STK31: variants seen among roughly 807,000 people sequenced by gnomAD.
STK31 encodes the protein serine/threonine-protein kinase 31.
Under a neutral mutation model 129.7 loss-of-function variants are expected in STK31, and 89 were observed. The ratio of observed to expected loss-of-function variants is 0.69; its 90% CI spans 0.58 to 0.82. The LOEUF is 0.82. Ranked by LOEUF, STK31 falls within the 40% of genes least tolerant of loss-of-function variation. The probability of loss-of-function intolerance (pLI) is 0.00; values close to 1 mark genes in which losing one functional copy is unlikely to be tolerated. For missense variants in STK31, 1,187 were observed against 1,176.4 expected (o/e 1.01, Z -0.13); for synonymous variants, 448 against 395.3 (o/e 1.13, Z -1.58).
rs1786706394 is a variant in STK31, at chr7:23,721,645, G to A, written c.249+4066G>A. 4 of 844,866 alleles carry A rather than the reference G, an allele frequency of 4.7e-6. No homozygotes were observed. In the East Asian group the frequency reaches 7.3e-5, roughly 15 times the overall value. 52.3% of individuals were successfully genotyped at this position (844,866 alleles called of 1,614,324 possible). A position where few individuals can be genotyped will look rare whatever the true frequency, so the allele number is the denominator to read the frequency against. On this transcript the variant is annotated intron_variant, in intron 4 of 23. Coordinates refer to ENST00000355870, the MANE Select transcript of STK31 (RefSeq NM_031414.5). ...TGCGTCGAATGTAAATACAAGCCAA[G>A]CCCTGTGGATTCCTGACAGCACAGG...
Position 23,758,427 on chromosome 7 carries a change from A to AT in STK31, c.1293+3962dup, listed in dbSNP as rs535510973. ...TAAAAAACAGACCCTAGATTCATTG[A>AT]TTTTTTTTTGGAGTGTTTTTTTTGT... is the stretch of plus-strand genomic sequence containing the variant. On this transcript the variant is annotated intron_variant, in intron 10 of 23. Transcript: ENST00000355870. Among the ~76,000 whole-genome samples the AT allele has an allele frequency of 2.3e-3, 347 of 149,470 alleles. 1 individual carries two copies. The highest frequency in any genetic ancestry group is 7.7e-3 in the African/African-American group (314 of 40,682).
chr7:23,773,120 G>A (rs928128774), intron 15 of STK31, among the ~76,000 whole-genome samples: 1 of 152,032 alleles, frequency 6.6e-6, no homozygotes, highest in Non-Finnish European at 1.5e-5. Context: ...AGGTATACAC[G>A]TGCCATGGTG....
intron 23 of STK31, among the ~76,000 whole-genome samples, chr7:23,821,158 A>G (rs891146601): frequency 6.6e-6 from 1 of 152,190 alleles, no homozygotes; most frequent in Non-Finnish European, 1.5e-5. Context: ...TTTGATAACT[A>G]TCAAGTAGTG....
Position 23,737,857 on chromosome 7 carries a change from ATAAG to A in STK31, c.1017+781_1017+784del, listed in dbSNP as rs1198555291. Among the ~76,000 whole-genome samples, 220 of 115,320 alleles carry A rather than the reference ATAAG, an allele frequency of 1.9e-3. 1 individual carries two copies. The highest frequency in any genetic ancestry group is 6.2e-3 in the African/African-American group (203 of 32,524). 75.7% of individuals were successfully genotyped at this position (115,320 alleles called of 152,430 possible). A position where few individuals can be genotyped will look rare whatever the true frequency, so the allele number is the denominator to read the frequency against. ...CCCCCCCAGGGATACAGTGTGGTTG[ATAAG>A]TGTGTGTGTGTGTGTGTGTGTGTGT... On this transcript the variant is annotated intron_variant, in intron 8 of 23. Transcript: ENST00000355870.
At chr7:23,717,646 A>C (rs939217787) in intron 4 of STK31, 67 bp downstream of exon 4, 18 of 1,202,394 alleles carry the variant, frequency 1.5e-5, no homozygotes, top group Non-Finnish European at 1.8e-5. Flanking sequence ...TTAGATATTT[A>C]GTTTTTGGAG....
chr7:23,754,238 A>G (rs1488206258), intron 9 of STK31, 77 bp from the exon 10 acceptor site: 9 of 1,456,852 alleles, frequency 6.2e-6, no homozygotes, highest in African/African-American at 1.4e-5. Flanking sequence ...TTAGACCATT[A>G]CTATTAAAGT....
chr7:23,736,991 T>C lies in STK31; in HGVS notation c.930T>C (p.Asn310=). 6.2e-7 allele frequency: 1 copy of C among 1,613,536 alleles called. No homozygotes were observed. Among genetic ancestry groups the C allele is most frequent in the African/African-American group, 1.3e-5 (1 of 74,928 alleles). ...AGGACCAGAAACTGATTGAAGAAAA[T>C]GAAAAACTTAAAACAGAGAAGGACG... ...IKQDQKLIEE[N]EKLKTEKDAL... The change falls in exon 8 of 24, where the codon AAT becomes AAC. Residue 310 remains asparagine, a synonymous_variant. Transcript: ENST00000355870.
chr7:23,809,464 C>T (rs906498235), intron 22 of STK31, among the ~76,000 whole-genome samples: 1 of 152,120 alleles, frequency 6.6e-6, no homozygotes, highest in Non-Finnish European at 1.5e-5. Flanking sequence ...CAAATTTGAG[C>T]ACTTACAAAT....
Position 23,735,579 on chromosome 7 carries a change from A to G in STK31, c.525A>G (p.Ile175Met), listed in dbSNP as rs776043647. ...GGAGCTTGATTTTTGAAAAGGAAAT[A>G]AAAATGAGAATTAAAGCAACCTCTG... ...FLGSLIFEKE[I>M]KMRIKATSED... Residue 175 changes from isoleucine (I) to methionine (M), a missense_variant, in exon 7 of 24, where the codon ATA becomes ATG. Around this residue, in one of 5 missense-constraint regions of STK31, gnomAD observed 103 missense variants for 110.4 expected, o/e 0.93. Transcript: ENST00000355870. 4.4e-6 allele frequency: 7 copies of G among 1,606,326 alleles called. No individual in the cohort carries two copies. The South Asian group carries it at 7.8e-5, about 18-fold the overall frequency.
At chr7:23,716,655 A>G (rs1786341577) in intron 3 of STK31, among the ~76,000 whole-genome samples, 2 of 152,054 alleles carry the variant, frequency 1.3e-5, no homozygotes, top group South Asian at 4.1e-4. Context: ...ACTCAAGGAT[A>G]TTTATTCCGT....
Position 23,806,901 on chromosome 7 carries a change from GAAAAAAA to G in STK31, c.2761-8228_2761-8222del, listed in dbSNP as rs34751124. Among the ~76,000 whole-genome samples, 6 of 76,006 alleles carry G rather than the reference GAAAAAAA, an allele frequency of 7.9e-5. No homozygotes were observed. The East Asian group carries it at 1.4e-3, about 17-fold the overall frequency. 49.9% of individuals were successfully genotyped at this position (76,006 alleles called of 152,430 possible). Reference sequence around the variant, plus strand: ...GGTGACAGAGCAAGACTCCGTCTCAGAAAAAAAAAAAAAAAAAAAAAGAGAGATACAG... The same window carrying G: ...GGTGACAGAGCAAGACTCCGTCTCAGAAAAAAAAAAAAAAGAGAGATACAG... On this transcript the variant is annotated intron_variant, in intron 22 of 23. Transcript: ENST00000355870.
intron 23 of STK31, among the ~76,000 whole-genome samples, chr7:23,826,403 T>A (rs56254965): frequency 0.035 from 5,263 of 152,052 alleles, 309 homozygotes; most frequent in African/African-American, 0.12. Flanking sequence ...CTGTTTTATC[T>A]GAGACTAGGA....
At chr7:23,769,900 T>A (rs908621045) in intron 13 of STK31, 144 bp downstream of exon 13, 1 of 513,598 alleles carries the variant, frequency 1.9e-6, no homozygotes, top group African/African-American at 1.9e-5. Flanking sequence ...AATAGGCTTG[T>A]TGAAAGAGTA....
chr7:23,795,007 C>T (rs546137187), intron 22 of STK31, among the ~76,000 whole-genome samples: 14 of 152,150 alleles, frequency 9.2e-5, no homozygotes, highest in Non-Finnish European at 2.1e-4. Context: ...AAAGAAAACC[C>T]GTTTCCTGGG....
At position 23,752,871 on chromosome 7, in the gene STK31, T is replaced by G. The variant is rs775029673; in HGVS notation, c.1133+39T>G. The G allele has an allele frequency of 3.7e-6, 5 of 1,337,028 alleles. No homozygotes were observed. In the African/African-American group the frequency reaches 5.9e-5, roughly 16 times the overall value. The allele number at this position is 1,337,028 out of a possible 1,614,324, so 82.8% of individuals were successfully genotyped here. On this transcript the variant is annotated intron_variant, in intron 9 of 23. Coordinates refer to ENST00000355870, the MANE Select transcript of STK31 (RefSeq NM_031414.5). Reference sequence around the variant, plus strand: ...TATTTTTCAGAAGGATATTTTAAACTAATTTTTAATCAATTGGTGCTTTGT... The same window carrying G: ...TATTTTTCAGAAGGATATTTTAAACGAATTTTTAATCAATTGGTGCTTTGT...
chr7:23,821,337 A>AT (rs756485248), intron 23 of STK31, among the ~76,000 whole-genome samples: 3 of 151,796 alleles, frequency 2.0e-5, no homozygotes, highest in African/African-American at 4.8e-5. Flanking sequence ...ATTTTTTGTC[A>AT]TTTTTTAAAA....
rs71552258 is a variant in STK31 at position 23,808,943 on chromosome 7, T to TTATGTGTGTGTGTGTG, written c.2761-6200_2761-6199insATGTGTGTGTGTGTGT. On this transcript the variant is annotated intron_variant, in intron 22 of 23. Transcript: ENST00000355870. ...AGGAAGCAGGCTTTTCTTGGAGCTT[T>TTATGTGTGTGTGTGTG]TGTGTGTGTGTGTGTGTGTGTGTGT... Among the ~76,000 whole-genome samples the TTATGTGTGTGTGTGTG allele has an allele frequency of 3.1e-3, 265 of 84,534 alleles. 4 individuals carry two copies. The highest frequency in any genetic ancestry group is 0.01 in the Middle Eastern group (2 of 194). The allele number at this position is 84,534 out of a possible 152,430, so 55.5% of individuals were successfully genotyped here.
intron 18 of STK31, 143 bp from the exon 19 acceptor site, chr7:23,786,365 G>A (rs1791283920): frequency 1.1e-6 from 1 of 886,692 alleles, no homozygotes; most frequent in Non-Finnish European, 1.5e-6. Context: ...ATTCAAAGAA[G>A]ATAGAAAAGT....
chr7:23,810,800 GTA>G (rs950656124), intron 22 of STK31, among the ~76,000 whole-genome samples: 47 of 128,678 alleles, frequency 3.7e-4, no homozygotes, highest in Non-Finnish European at 9.7e-5. Context: ...ATATAAATAT[GTA>G]TATATATTTG....
Sources: allele counts gnomAD v4.1 joint callset (sites outside exome capture counted in the v4.1 genomes callset), GRCh38; gene constraint gnomAD v4.1.1; regional missense constraint gnomAD v4.1.1; transcripts MANE v1.5; gene names NCBI Gene and HGNC (gene_info 2026-07-23, HGNC 2026-07-21).